SV2B: variants seen among roughly 807,000 people sequenced by gnomAD.
SV2B encodes the protein synaptic vesicle glycoprotein 2B, also known as solute carrier family 22 member B2.
A neutral mutation model predicts 73.9 loss-of-function variants in SV2B; 41 were observed. The observed-to-expected ratio is 0.56, with a 90% CI of 0.43 to 0.72. The LOEUF is 0.72. Among genes scored for constraint, SV2B ranks in the 30% least tolerant of loss-of-function variants. The pLI is 0.00. For missense variants in SV2B, 764 were observed against 857.8 expected, an observed-to-expected ratio of 0.89 and a Z score of 1.37; for synonymous variants, 314 against 314.2, an observed-to-expected ratio of 1.00 and a Z score of 0.01.
At position 91,139,136 on chromosome 15, in the gene SV2B, G is replaced by A. The variant is rs77890890; in HGVS notation, c.-392+38773G>A. 0.038 allele frequency among the ~76,000 whole-genome samples: 5,748 copies of A among 152,106 alleles called. 379 individuals carry two copies. The highest frequency in any genetic ancestry group is 0.13 in the African/African-American group (5,338 of 41,450). On this transcript the variant is annotated intron_variant, in intron 1 of 12. Transcript: ENST00000394232. The surrounding 1 kb of genome is among the most constrained non-coding windows in gnomAD (Gnocchi z 5.2). Reference sequence around the variant, plus strand: ...TCTTTAAAAATTGTTACTGATGTGCGTATGGCTAAAATCATATGATGTTGG... The same window carrying A: ...TCTTTAAAAATTGTTACTGATGTGCATATGGCTAAAATCATATGATGTTGG...
At chr15:91,210,939 G>A (rs558714434) in intron 1 of SV2B, among the ~76,000 whole-genome samples, 7 of 152,216 alleles carry the variant, frequency 4.6e-5, no homozygotes, top group South Asian at 4.1e-4. Context: ...TGCTCCCAGC[G>A]CCTGGCATAG....
At chr15:91,192,400 A>T (rs777638521) in intron 1 of SV2B, among the ~76,000 whole-genome samples, 1 of 152,214 alleles carries the variant, frequency 6.6e-6, no homozygotes, top group Non-Finnish European at 1.5e-5. Flanking sequence ...CTCTTTGTCA[A>T]TAGGACTTCT....
At position 91,299,671 on chromosome 15, in the gene SV2B, G is replaced by T. The variant is rs955503774; in HGVS notation, c.*7119G>T. On this transcript the variant is annotated 3_prime_UTR_variant, in exon 13 of 13. Transcript: ENST00000394232. ...TTTATTTTTATTTTTTTGAGACAGA[G>T]TCTCACTCTGTCATCTAGGCTGGAG... 6.6e-6 allele frequency: 1 copy of T among 152,096 alleles called. No individual in the cohort carries two copies. The highest frequency in any genetic ancestry group is 1.5e-5 in the Non-Finnish European group (1 of 68,032). The allele number at this position is 152,096 out of a possible 1,614,324, so 9.4% of individuals were successfully genotyped here. A position where few individuals can be genotyped will look rare whatever the true frequency, so the allele number is the denominator to read the frequency against.
chr15:91,215,823 T>C lies in SV2B; in HGVS notation c.-391-10050T>C, dbSNP rs573273014. On this transcript the variant is annotated intron_variant, in intron 1 of 12. Coordinates refer to ENST00000394232, the MANE Select transcript of SV2B (RefSeq NM_001323032.3). ...AAGGGTTGATGTAATAAATAATGTT[T>C]TGATAAACATACTTCTCCATAAATT... is the stretch of plus-strand genomic sequence containing the variant. 1.6e-4 allele frequency among the ~76,000 whole-genome samples: 25 copies of C among 152,316 alleles called. 1 individual carries two copies. The highest frequency in any genetic ancestry group is 5.5e-4 in the African/African-American group (23 of 41,564).
intron 1 of SV2B, among the ~76,000 whole-genome samples, chr15:91,103,981 CAG>C: frequency 6.6e-6 from 1 of 152,280 alleles, no homozygotes; most frequent in South Asian, 2.1e-4. Flanking sequence ...CTTCTTCCTG[CAG>C]ACCCCTGTCA....
chr15:91,152,868 G>T (rs904052417), intron 1 of SV2B, among the ~76,000 whole-genome samples: 6 of 152,152 alleles, frequency 3.9e-5, no homozygotes, highest in African/African-American at 1.2e-4. Context: ...AGTCCATTTT[G>T]TACTGCCATA....
chr15:91,267,205 A>AT lies in SV2B; in HGVS notation c.1120-350_1120-349insT. 6.6e-6 allele frequency among the ~76,000 whole-genome samples: 1 copy of AT among 152,238 alleles called. No individual in the cohort carries two copies. Among genetic ancestry groups the AT allele is most frequent in the Non-Finnish European group, 1.5e-5 (1 of 68,042 alleles). ...TTGGCCTTCATGGTGTATGGTCAGTAAATGTTTGCAATATCCCCCTTGCCC... is the reference window on the plus strand; with the variant it reads ...TTGGCCTTCATGGTGTATGGTCAGTATAATGTTTGCAATATCCCCCTTGCCC... On this transcript the variant is annotated intron_variant, in intron 7 of 12. Coordinates refer to ENST00000394232, the MANE Select transcript of SV2B (RefSeq NM_001323032.3). The surrounding 1 kb of genome is among the most constrained non-coding windows in gnomAD (Gnocchi z 4.3).
chr15:91,242,882 T>G lies in SV2B; in HGVS notation c.452-8937T>G, dbSNP rs2047076690. Among the ~76,000 whole-genome samples the G allele has an allele frequency of 6.6e-6, 1 of 152,228 alleles. No homozygotes were observed. The highest frequency in any genetic ancestry group is 1.5e-5 in the Non-Finnish European group (1 of 68,036). ...GTGTTTTAAAACTCAGAGATTTTAT[T>G]TAGCAATCTAGATTTCTGGTTCTTT... is the stretch of plus-strand genomic sequence containing the variant. On this transcript the variant is annotated intron_variant, in intron 2 of 12. Coordinates refer to ENST00000394232, the MANE Select transcript of SV2B (RefSeq NM_001323032.3). This position sits in a 1 kb window ranked among gnomAD's most constrained non-coding sequence, Gnocchi z 4.9.
chr15:91,179,989 G>C (rs1026440536), intron 1 of SV2B, among the ~76,000 whole-genome samples: 3 of 151,274 alleles, frequency 2.0e-5, no homozygotes, highest in African/African-American at 7.3e-5. Flanking sequence ...TCCTAGTCTC[G>C]ATGGTCTTTA....
chr15:91,169,090 G>T (rs1001855286), intron 1 of SV2B, among the ~76,000 whole-genome samples: 2 of 152,098 alleles, frequency 1.3e-5, no homozygotes, highest in Admixed American at 6.5e-5. Context: ...TGATGAGGAG[G>T]TTACTTTGTT....
At chr15:91,272,564 A>C (rs992267917) in intron 9 of SV2B, among the ~76,000 whole-genome samples, 2 of 152,084 alleles carry the variant, frequency 1.3e-5, no homozygotes, top group Non-Finnish European at 2.9e-5. Context: ...GTAACTGCTC[A>C]CTCAGATGAT....
chr15:91,215,828 A>G (rs78696016), intron 1 of SV2B, among the ~76,000 whole-genome samples: 1,658 of 152,316 alleles, frequency 0.011, 27 homozygotes, highest in African/African-American at 0.038. Context: ...ATGTTTTGAT[A>G]AACATACTTC....
chr15:91,169,939 A>C (rs965756047), intron 1 of SV2B, among the ~76,000 whole-genome samples: 2 of 152,226 alleles, frequency 1.3e-5, no homozygotes, highest in Non-Finnish European at 2.9e-5. Flanking sequence ...ATAAGACTGC[A>C]AAAGCAATGT....
intron 1 of SV2B, among the ~76,000 whole-genome samples, chr15:91,155,342 T>C (rs2043451752): frequency 6.6e-6 from 1 of 152,198 alleles, no homozygotes; most frequent in Non-Finnish European, 1.5e-5. Flanking sequence ...TAGATGGACG[T>C]GGTACTGACA....
chr15:91,272,208 A>G (rs1020990432), intron 9 of SV2B, among the ~76,000 whole-genome samples: 29 of 152,308 alleles, frequency 1.9e-4, no homozygotes, highest in African/African-American at 6.7e-4. Context: ...TGGAAAGTGC[A>G]AGAAAGGCAA....
rs1256103692 is a variant in SV2B, at chr15:91,118,716, A to G, written c.-392+18353A>G. Among the ~76,000 whole-genome samples the G allele has an allele frequency of 6.6e-6, 1 of 152,218 alleles. No individual in the cohort carries two copies. The highest frequency in any genetic ancestry group is 2.4e-5 in the African/African-American group (1 of 41,466). On this transcript the variant is annotated intron_variant, in intron 1 of 12. Transcript: ENST00000394232. This position sits in a 1 kb window ranked among gnomAD's most constrained non-coding sequence, Gnocchi z 4.7. ...CTTTATACACAGAAGCCACCACATC[A>G]GACAGCCCAGTCCAAACCAGAGCCA...
In SV2B at chr15:91,289,615, G is replaced by C. The variant is rs373675789; in HGVS notation, c.1803G>C (p.Gly601=). ...AMIGWQCLFC[G]TSIAAWNALD... is the part of the protein sequence containing the mutation. ...TCGGCTGGCAGTGCCTGTTCTGTGG[G>C]ACAAGCATTGCAGCCTGGAATGCTC... Residue 601 remains glycine (G), a synonymous_variant, in exon 12 of 13, where the codon GGG becomes GGC. Transcript: ENST00000394232. This position sits in a 1 kb window ranked among gnomAD's most constrained non-coding sequence, Gnocchi z 4.9. The C allele has an allele frequency of 6.2e-7, 1 of 1,614,078 alleles. No individual in the cohort carries two copies. Among genetic ancestry groups the C allele is most frequent in the Non-Finnish European group, 8.5e-7 (1 of 1,180,050 alleles).
rs1303553028 is a variant in SV2B, at chr15:91,223,958, G to T, written c.-391-1915G>T. 6.6e-6 allele frequency among the ~76,000 whole-genome samples: 1 copy of T among 152,202 alleles called. No individual in the cohort carries two copies. Among genetic ancestry groups the T allele is most frequent in the Non-Finnish European group, 1.5e-5 (1 of 68,032 alleles). ...TCTTTCAGGGAGGGGTCCTGGAATT[G>T]GCATTTCTGTTGAGCCGCCCACGTT... On this transcript the variant is annotated intron_variant, in intron 1 of 12. Coordinates refer to ENST00000394232, the MANE Select transcript of SV2B (RefSeq NM_001323032.3). The surrounding 1 kb of genome is among the most constrained non-coding windows in gnomAD (Gnocchi z 4.6).
intron 1 of SV2B, among the ~76,000 whole-genome samples, chr15:91,189,366 T>G (rs8040672): frequency 0.013 from 2,049 of 152,240 alleles, 52 homozygotes; most frequent in African/African-American, 0.045. Flanking sequence ...ATATATGTAT[T>G]GTTTTATTTT....
Sources: allele counts gnomAD v4.1 joint callset (sites outside exome capture counted in the v4.1 genomes callset), GRCh38; gene constraint gnomAD v4.1.1; non-coding constraint Gnocchi (gnomAD v3.1); transcripts MANE v1.5; gene names NCBI Gene and HGNC (gene_info 2026-07-23, HGNC 2026-07-21).